The following HSF2BP variants were observed in gnomAD, a reference collection of about 807,000 sequenced individuals.
HSF2BP encodes heat shock factor 2-binding protein.
A neutral mutation model predicts 35.0 loss-of-function variants in HSF2BP; 35 were observed. That is an observed-to-expected ratio of 1.00 (90% CI 0.76 to 1.32). HSF2BP has a LOEUF of 1.32. Ranked by LOEUF, HSF2BP falls within the 40% of genes most tolerant of loss-of-function variation. The pLI, the probability that HSF2BP is intolerant of heterozygous loss-of-function variation, is 0.00. For synonymous variants in HSF2BP, 114 were observed against 117.4 expected, an observed-to-expected ratio of 0.97 and a Z score of 0.18; for missense variants, 326 against 321.7, an observed-to-expected ratio of 1.01 and a Z score of -0.10.
chr21:43,614,603 A>T (rs2082248919), intron 6 of HSF2BP, among the ~76,000 whole-genome samples: 1 of 152,168 alleles, frequency 6.6e-6, no homozygotes, highest in Non-Finnish European at 1.5e-5. Flanking sequence ...TCTGGGACTG[A>T]GGATGTGAAA....
chr21:43,640,697 G>T (rs1463972243), intron 4 of HSF2BP, among the ~76,000 whole-genome samples: 2 of 151,966 alleles, frequency 1.3e-5, no homozygotes, highest in Non-Finnish European at 2.9e-5. Context: ...CGGGTGAAGG[G>T]TATAGATAAC....
At chr21:43,582,188 T>C (rs1302534185) in intron 8 of HSF2BP, among the ~76,000 whole-genome samples, 8 of 31,564 alleles carry the variant, frequency 2.5e-4, no homozygotes, top group Admixed American at 8.0e-4. Context: ...GGGCCTGCTG[T>C]GGGAGATGAG....
chr21:43,641,148 A>G (rs968566766), intron 4 of HSF2BP, among the ~76,000 whole-genome samples: 26 of 152,046 alleles, frequency 1.7e-4, no homozygotes, highest in African/African-American at 6.3e-4. Flanking sequence ...GCCCACCACC[A>G]CGCCTGGCTA....
intron 8 of HSF2BP, 128 bp downstream of exon 8, chr21:43,592,097 T>G: frequency 1.6e-6 from 1 of 629,382 alleles, no homozygotes; most frequent in Non-Finnish European, 2.9e-6. Context: ...ATATAGTATA[T>G]AGAGAGGATT....
In HSF2BP at chr21:43,649,432, C is replaced by CA. The variant is rs1299718136; in HGVS notation, c.188-5041dup. 6.1e-5 allele frequency among the ~76,000 whole-genome samples: 9 copies of CA among 148,530 alleles called. No homozygotes were observed. In the South Asian group the frequency reaches 1.3e-3, roughly 21 times the overall value. ...TGGGTGACAGAGGGAGACTCCATCTCAAAAAAAAAGAAAGAAAAATCTGTT... is the reference window on the plus strand; with the variant it reads ...TGGGTGACAGAGGGAGACTCCATCTCAAAAAAAAAAGAAAGAAAAATCTGTT... On this transcript the variant is annotated intron_variant, in intron 3 of 8. Transcript: ENST00000291560.
At chr21:43,572,379 C>T (rs1047192567) in intron 8 of HSF2BP, among the ~76,000 whole-genome samples, 3 of 152,214 alleles carry the variant, frequency 2.0e-5, no homozygotes, top group Admixed American at 1.3e-4. Context: ...CGTGACTGCC[C>T]GGAGAACATG....
chr21:43,632,073 TACACACGCTCCCACAC>T (rs2082473204), intron 5 of HSF2BP, among the ~76,000 whole-genome samples: 1 of 12,174 alleles, frequency 8.2e-5, no homozygotes. Context: ...CGCTCCCACA[TACACACGCTCCCACAC>T]ACACACACGC....
In HSF2BP at chr21:43,580,198, TACTTCTTGGACATTTCC is replaced by T. The variant is rs142159069; in HGVS notation, c.796+12010_796+12026del. Among the ~76,000 whole-genome samples the T allele has an allele frequency of 2.5e-3, 383 of 152,340 alleles. 1 individual carries two copies. Among genetic ancestry groups the T allele is most frequent in the Middle Eastern group, 6.8e-3 (2 of 294 alleles). Reference sequence around the variant, plus strand: ...GAACTCTAAGCTTCTTGTCTCCAACTACTTCTTGGACATTTCCATTTGGATTTTTTTTACTATGTCAG... The same window carrying T: ...GAACTCTAAGCTTCTTGTCTCCAACTATTTGGATTTTTTTTACTATGTCAG... On this transcript the variant is annotated intron_variant, in intron 8 of 8. Coordinates refer to ENST00000291560, the MANE Select transcript of HSF2BP (RefSeq NM_007031.2).
chr21:43,638,466 A>G (rs572390627), intron 4 of HSF2BP, among the ~76,000 whole-genome samples: 1 of 152,294 alleles, frequency 6.6e-6, no homozygotes, highest in African/African-American at 2.4e-5. Flanking sequence ...AAGCAACCAC[A>G]TTTCTATGTG....
chr21:43,574,101 C>A (rs923388453), intron 8 of HSF2BP, among the ~76,000 whole-genome samples: 1 of 152,282 alleles, frequency 6.6e-6, no homozygotes, highest in Non-Finnish European at 1.5e-5. Flanking sequence ...GGGGAGGAGG[C>A]CAGACCACAG....
intron 7 of HSF2BP, among the ~76,000 whole-genome samples, chr21:43,602,050 G>A (rs1024466330): frequency 2.6e-5 from 4 of 152,092 alleles, no homozygotes; most frequent in African/African-American, 7.2e-5. Flanking sequence ...TAACAAACAA[G>A]GGAGAACCAC....
chr21:43,642,157 A>T (rs1568937028), intron 4 of HSF2BP, among the ~76,000 whole-genome samples: 1 of 152,094 alleles, frequency 6.6e-6, no homozygotes, highest in Non-Finnish European at 1.5e-5. Context: ...AAATTGTTTT[A>T]AAAATTATAC....
intron 8 of HSF2BP, among the ~76,000 whole-genome samples, chr21:43,580,973 A>C (rs189612621): frequency 8.5e-5 from 13 of 152,348 alleles, no homozygotes; most frequent in Admixed American, 7.8e-4. Flanking sequence ...CAGACACTGA[A>C]GGGAATCAGA....
intron 8 of HSF2BP, among the ~76,000 whole-genome samples, chr21:43,586,108 G>A (rs1444789548): frequency 2.0e-5 from 3 of 152,210 alleles, no homozygotes; most frequent in Non-Finnish European, 2.9e-5. Flanking sequence ...GCAGTTTCCT[G>A]TGATCACAAT....
intron 6 of HSF2BP, among the ~76,000 whole-genome samples, chr21:43,616,792 G>A (rs1274134273): frequency 5.9e-5 from 9 of 152,070 alleles, no homozygotes; most frequent in Non-Finnish European, 1.3e-4. Flanking sequence ...TTAGCCGGGC[G>A]CGGTGGCAGG....
chr21:43,614,362 C>CA (rs142666316), intron 6 of HSF2BP, among the ~76,000 whole-genome samples: 4,926 of 75,444 alleles, frequency 0.065, 244 homozygotes, highest in African/African-American at 0.19. Context: ...AGCCCTGTCT[C>CA]AAAAAAAAAA....
chr21:43,501,355 A>C, the HSF2BP span, among the ~76,000 whole-genome samples: 1 of 107,468 alleles, frequency 9.3e-6, no homozygotes, highest in Admixed American at 8.7e-5. Context: ...CAGCATCTCC[A>C]CAGTGTCTAT....
At chr21:43,587,053 T>G (rs1233057079) in intron 8 of HSF2BP, among the ~76,000 whole-genome samples, 1 of 152,218 alleles carries the variant, frequency 6.6e-6, no homozygotes, top group Non-Finnish European at 1.5e-5. Context: ...GATTCTAGAT[T>G]CTGAAAACAG....
At chr21:43,633,118 C>T (rs1331094255) in intron 5 of HSF2BP, 154 bp downstream of exon 5, 2 of 720,618 alleles carry the variant, frequency 2.8e-6, no homozygotes, top group Non-Finnish European at 4.3e-6. Context: ...TTACAATGAA[C>T]CATATACGAT....
Sources: gnomAD v4.1 joint callset for allele counts (sites outside exome capture counted in the v4.1 genomes callset) on GRCh38, gnomAD v4.1.1 for gene constraint, MANE v1.5 for transcripts, NCBI Gene and HGNC (gene_info 2026-07-23, HGNC 2026-07-21) for gene names.